Variants in PPM1H observed in about 807,000 individuals in gnomAD.
The protein encoded by PPM1H is protein phosphatase, Mg2+/Mn2+ dependent 1H.
Under a neutral mutation model 54.9 loss-of-function variants are expected in PPM1H, and 27 were observed. The ratio of observed to expected loss-of-function variants is 0.49; its 90% CI spans 0.36 to 0.68. PPM1H has a LOEUF of 0.68. Among genes scored for constraint, PPM1H ranks in the 30% least tolerant of loss-of-function variants. The probability of loss-of-function intolerance (pLI) is 0.00; values close to 1 mark genes in which losing one functional copy is unlikely to be tolerated. For missense variants in PPM1H, 596 were observed against 667.8 expected, an observed-to-expected ratio of 0.89 and a Z score of 1.19; for synonymous variants, 305 against 270.8, an observed-to-expected ratio of 1.13 and a Z score of -1.24.
rs773373790 is a variant in PPM1H at position 62,802,061 on chromosome 12, T to C, written c.511A>G (p.Thr171Ala). 3 of 1,613,226 alleles carry C rather than the reference T, an allele frequency of 1.9e-6. No homozygotes were observed. The highest frequency in any genetic ancestry group is 2.5e-6 in the Non-Finnish European group (3 of 1,179,720). ...VASRLLQHHI[T>A]EQLQDIVDIL... ...TCCACGATGTCCTGCAGCTGCTCCG[T>C]GATGTGGTGCTGCAGCAGGCGTGAC... The change falls in exon 3 of 10, where the codon ACG becomes GCG. Residue 171 changes from threonine to alanine, a missense_variant. By Grantham distance (58) the Thr-to-Ala change is moderately conservative. Transcript: ENST00000228705.
intron 1 of PPM1H, among the ~76,000 whole-genome samples, chr12:62,872,204 T>C (rs2839798): frequency 0.37 from 55,627 of 152,056 alleles, 11,002 homozygotes; most frequent in East Asian, 0.54. Flanking sequence ...GCATTTTAAT[T>C]CCTATCAAGA....
rs1565834055 is a variant in PPM1H at position 62,934,862 on chromosome 12, C to G, written c.-126G>C. 18 of 986,024 alleles carry G rather than the reference C, an allele frequency of 1.8e-5. No homozygotes were observed. Among genetic ancestry groups the G allele is most frequent in the East Asian group, 4.0e-5 (1 of 24,926 alleles). The allele number at this position is 986,024 out of a possible 1,614,324, so 61.1% of individuals were successfully genotyped here. On this transcript the variant is annotated 5_prime_UTR_variant, in exon 1 of 10. Transcript: ENST00000228705. This position sits in a 1 kb window ranked among gnomAD's most constrained non-coding sequence, Gnocchi z 4.2. ...GGCGAGTCGGGCCACTGGGACGCGC[C>G]GCGCGCGGCTCCCAGAGCCTAGTGC...
intron 1 of PPM1H, among the ~76,000 whole-genome samples, chr12:62,838,526 G>A (rs543532778): frequency 6.6e-5 from 10 of 152,208 alleles, no homozygotes; most frequent in South Asian, 2.1e-4. Flanking sequence ...TATTCTTGGG[G>A]TACTGAGAAA....
At chr12:62,807,573 G>A (rs1379235792) in intron 2 of PPM1H, among the ~76,000 whole-genome samples, 1 of 152,124 alleles carries the variant, frequency 6.6e-6, no homozygotes, top group Non-Finnish European at 1.5e-5. Context: ...TAGGCCATTA[G>A]CTGGTTGTCC....
At chr12:62,871,159 G>GATATATCCATAC (rs1186538145) in intron 1 of PPM1H, among the ~76,000 whole-genome samples, 1 of 152,072 alleles carries the variant, frequency 6.6e-6, no homozygotes, top group Non-Finnish European at 1.5e-5. Flanking sequence ...ATCAACTGGT[G>GATATATCCATAC]AATGGATAAA....
In PPM1H at chr12:62,844,036, A is replaced by G. The variant is rs1469455261; in HGVS notation, c.246-11757T>C. 2.6e-5 allele frequency among the ~76,000 whole-genome samples: 4 copies of G among 152,200 alleles called. No individual in the cohort carries two copies. The highest frequency in any genetic ancestry group is 4.4e-5 in the Non-Finnish European group (3 of 68,032). ...TCATTTTAGGCAAACTGATTTCTCT[A>G]CCCTAAGGAAGCTAGAAAGTACAAT... On this transcript the variant is annotated intron_variant, in intron 1 of 9. Transcript: ENST00000228705. The surrounding 1 kb of genome is among the most constrained non-coding windows in gnomAD (Gnocchi z 5.2).
chr12:62,826,768 AT>A (rs1238908782), intron 2 of PPM1H, among the ~76,000 whole-genome samples: 1 of 152,256 alleles, frequency 6.6e-6, no homozygotes, highest in African/African-American at 2.4e-5. Flanking sequence ...AAGCATATGT[AT>A]TCCAGAGGGA....
At chr12:62,717,044 G>A (rs940510575) in intron 6 of PPM1H, among the ~76,000 whole-genome samples, 4 of 152,140 alleles carry the variant, frequency 2.6e-5, no homozygotes. Context: ...CATGATTCTG[G>A]CTCACCGCAC....
chr12:62,932,627 G>GGTTTTTTTTTT (rs1229452777), intron 1 of PPM1H, among the ~76,000 whole-genome samples: 1 of 22,540 alleles, frequency 4.4e-5, no homozygotes, highest in Non-Finnish European at 1.2e-4. Context: ...GTCCAAATGG[G>GGTTTTTTTTTT]CTTTTTTTTT....
At position 62,664,940 on chromosome 12, in the gene PPM1H, C is replaced by T. The variant is rs529648977; in HGVS notation, c.1397+2238G>A. ...TGAAGATATAATCCCACCATTGGCA[C>T]CGTTTACTTTTGAAAGTTGGCTGTC... On this transcript the variant is annotated intron_variant, in intron 9 of 9. Transcript: ENST00000228705. Among the ~76,000 whole-genome samples, 3 of 148,734 alleles carry T rather than the reference C, an allele frequency of 2.0e-5. No homozygotes were observed. The East Asian group carries it at 5.8e-4, about 29-fold the overall frequency.
rs1284923713 is a variant in PPM1H at position 62,908,422 on chromosome 12, A to AAAAAAG, written c.245+26069_245+26070insCTTTTT. Among the ~76,000 whole-genome samples, 656 of 134,212 alleles carry AAAAAAG rather than the reference A, an allele frequency of 4.9e-3. 13 individuals carry two copies. The highest frequency in any genetic ancestry group is 8.1e-3 in the Middle Eastern group (2 of 246). The allele number at this position is 134,212 out of a possible 152,430, so 88.0% of individuals were successfully genotyped here. ...GACTCCGTCTCAAAAAAAAAAAAAA[A>AAAAAAG]AAAGAAAGAAAGAAAGAAATTGAGT... On this transcript the variant is annotated intron_variant, in intron 1 of 9. Coordinates refer to ENST00000228705, the MANE Select transcript of PPM1H (RefSeq NM_020700.2).
chr12:62,683,605 T>C (rs2076035480), intron 8 of PPM1H, among the ~76,000 whole-genome samples: 2 of 152,116 alleles, frequency 1.3e-5, no homozygotes, highest in African/African-American at 4.8e-5. Context: ...AAATACCTGA[T>C]AGGAATCTTG....
At chr12:62,680,846 A>G (rs1176843726) in intron 8 of PPM1H, among the ~76,000 whole-genome samples, 1 of 152,232 alleles carries the variant, frequency 6.6e-6, no homozygotes, top group Non-Finnish European at 1.5e-5. Flanking sequence ...GTGTTGGGAT[A>G]TAACTCTTGT....
chr12:62,846,812 AC>A (rs1374143524), intron 1 of PPM1H, among the ~76,000 whole-genome samples: 1 of 152,186 alleles, frequency 6.6e-6, no homozygotes, highest in African/African-American at 2.4e-5. Flanking sequence ...CTGCAGTGTA[AC>A]CAGTAAGTAG....
At chr12:62,810,374 G>A (rs1249298048) in intron 2 of PPM1H, among the ~76,000 whole-genome samples, 1 of 152,146 alleles carries the variant, frequency 6.6e-6, no homozygotes, top group African/African-American at 2.4e-5. Flanking sequence ...TCTCAGAGGG[G>A]CTCCAAAGAA....
intron 1 of PPM1H, among the ~76,000 whole-genome samples, chr12:62,911,802 C>A (rs907782700): frequency 1.3e-5 from 2 of 152,234 alleles, no homozygotes; most frequent in African/African-American, 2.4e-5. Context: ...AAATGAACCA[C>A]TGTCATCTCC....
intron 4 of PPM1H, among the ~76,000 whole-genome samples, chr12:62,766,606 C>T (rs2076545335): frequency 6.6e-6 from 1 of 152,078 alleles, no homozygotes; most frequent in South Asian, 2.1e-4. Flanking sequence ...CAGGCTTTTC[C>T]TAAATTGCAT....
At chr12:62,692,128 AG>A (rs1251108708) in intron 7 of PPM1H, among the ~76,000 whole-genome samples, 1 of 152,204 alleles carries the variant, frequency 6.6e-6, no homozygotes, top group African/African-American at 2.4e-5. Flanking sequence ...ATTTCTGCGT[AG>A]GGGTACGCGG....
In PPM1H at chr12:62,644,736, T is replaced by A. The variant is rs1350076719; in HGVS notation, c.*3753A>T. On this transcript the variant is annotated 3_prime_UTR_variant, in exon 10 of 10. Coordinates refer to ENST00000228705, the MANE Select transcript of PPM1H (RefSeq NM_020700.2). ...GAGAGGTGGGCTATGGTGTGCAGGCTGCAACCTTTCTCTGCAATTGTTAAG... is the reference window on the plus strand; with the variant it reads ...GAGAGGTGGGCTATGGTGTGCAGGCAGCAACCTTTCTCTGCAATTGTTAAG... 6.6e-6 allele frequency: 1 copy of A among 152,244 alleles called. No individual in the cohort carries two copies. The highest frequency in any genetic ancestry group is 1.5e-5 in the Non-Finnish European group (1 of 68,046). 9.4% of individuals were successfully genotyped at this position (152,244 alleles called of 1,614,324 possible).
Sources: gnomAD v4.1 joint callset for allele counts (sites outside exome capture counted in the v4.1 genomes callset) on GRCh38, gnomAD v4.1.1 for gene constraint, Gnocchi (gnomAD v3.1) non-coding constraint, MANE v1.5 for transcripts, NCBI Gene and HGNC (gene_info 2026-07-23, HGNC 2026-07-21) for gene names.